TAFA4: variants seen among roughly 807,000 people sequenced by gnomAD.
TAFA4 encodes TAFA chemokine like family member 4, also known as chemokine-like protein TAFA-4.
Under a neutral mutation model 21.1 loss-of-function variants are expected in TAFA4, and 20 were observed. The ratio of observed to expected loss-of-function variants is 0.95; its 90% confidence interval spans 0.67 to 1.38. The LOEUF is 1.38. Among genes scored for constraint, TAFA4 ranks in the 40% most tolerant of loss-of-function variants. The pLI is 0.00. For synonymous variants in TAFA4, 71 were observed against 67.4 expected (o/e 1.05, Z -0.26); for missense variants, 211 against 180.9 (o/e 1.17, Z -0.95).
chr3:68,845,209 A>G (rs1704757218), intron 3 of TAFA4, among the ~76,000 whole-genome samples: 3 of 152,098 alleles, frequency 2.0e-5, no homozygotes, highest in Admixed American at 6.5e-5. Context: ...GTGGGTTCAT[A>G]TATATTTAGG....
intron 4 of TAFA4, among the ~76,000 whole-genome samples, chr3:68,745,552 G>T (rs143504757): frequency 6.6e-6 from 1 of 152,136 alleles, no homozygotes; most frequent in African/African-American, 2.4e-5. Context: ...AGACAGTGAC[G>T]CCCTCCCTGG....
At chr3:68,841,093 G>A (rs1704651711) in intron 3 of TAFA4, among the ~76,000 whole-genome samples, 1 of 134,188 alleles carries the variant, frequency 7.5e-6, no homozygotes, top group African/African-American at 2.6e-5. Flanking sequence ...GGAGGCCGAG[G>A]CGGGCGGATC....
At chr3:68,921,676 C>T in intron 1 of TAFA4, among the ~76,000 whole-genome samples, 1 of 152,210 alleles carries the variant, frequency 6.6e-6, no homozygotes, top group East Asian at 1.9e-4. Context: ...CAGCTTTTAA[C>T]ATCTGCCGAG....
At chr3:68,904,299 T>C (rs964806235) in intron 1 of TAFA4, among the ~76,000 whole-genome samples, 1 of 152,148 alleles carries the variant, frequency 6.6e-6, no homozygotes, top group Non-Finnish European at 1.5e-5. Flanking sequence ...GCAAGCTTGA[T>C]TCCATGATTG....
chr3:68,907,091 G>A (rs1024019995), intron 1 of TAFA4, among the ~76,000 whole-genome samples: 3 of 146,874 alleles, frequency 2.0e-5, no homozygotes, highest in African/African-American at 7.5e-5. Context: ...ACTCATTGCT[G>A]TCTAAAAACC....
At chr3:68,886,079 TAATA>T (rs143046019) in intron 1 of TAFA4, among the ~76,000 whole-genome samples, 26 of 152,342 alleles carry the variant, frequency 1.7e-4, no homozygotes, top group African/African-American at 6.3e-4. Flanking sequence ...TGATATGTGT[TAATA>T]AATATTCAAG....
intron 5 of TAFA4, among the ~76,000 whole-genome samples, chr3:68,735,294 G>C (rs114037444): frequency 4.6e-5 from 7 of 152,262 alleles, no homozygotes; most frequent in Non-Finnish European, 7.4e-5. Context: ...TCTGTATTTT[G>C]CATCAGTTTC....
chr3:68,926,760 G>A (rs897714607), intron 1 of TAFA4, among the ~76,000 whole-genome samples: 1 of 151,754 alleles, frequency 6.6e-6, no homozygotes, highest in South Asian at 2.1e-4. Context: ...AAAATACAAA[G>A]ATTAGCCAGG....
rs1293659540 is a variant in TAFA4, at chr3:68,783,750, A to AAAGAAAGAAAGAAAGT, written c.131-30733_131-30732insACTTTCTTTCTTTCTT. Reference sequence around the variant, plus strand: ...GAAAGAAAGAAAGAAAGAAAGTAAGAAAGAAAGAAACAAAAACAAAGAAAC... The same window carrying AAAGAAAGAAAGAAAGT: ...GAAAGAAAGAAAGAAAGAAAGTAAGAAAGAAAGAAAGAAAGTAAGAAAGAAACAAAAACAAAGAAAC... On this transcript the variant is annotated intron_variant, in intron 3 of 5. Coordinates refer to ENST00000295569, the MANE Select transcript of TAFA4 (RefSeq NM_182522.5). Among the ~76,000 whole-genome samples, 638 of 145,882 alleles carry AAAGAAAGAAAGAAAGT rather than the reference A, an allele frequency of 4.4e-3. 13 individuals carry two copies. The highest frequency in any genetic ancestry group is 0.021 in the East Asian group (96 of 4,622).
intron 3 of TAFA4, among the ~76,000 whole-genome samples, chr3:68,756,173 G>T (rs970516063): frequency 2.0e-5 from 3 of 152,176 alleles, no homozygotes; most frequent in African/African-American, 2.4e-5. Flanking sequence ...AAGATTTGGG[G>T]TAATTTGTTA....
chr3:68,763,457 C>T (rs1281788944), intron 3 of TAFA4, among the ~76,000 whole-genome samples: 1 of 152,004 alleles, frequency 6.6e-6, no homozygotes, highest in African/African-American at 2.4e-5. Context: ...TTATCATCTG[C>T]TTGGAACACT....
chr3:68,853,340 A>G (rs1340481489), intron 3 of TAFA4, among the ~76,000 whole-genome samples: 1 of 152,134 alleles, frequency 6.6e-6, no homozygotes. Flanking sequence ...CGTAATATCT[A>G]TCTTCCTTCC....
chr3:68,781,109 GAACAT>G (rs1703145528), intron 3 of TAFA4, among the ~76,000 whole-genome samples: 1 of 151,810 alleles, frequency 6.6e-6, no homozygotes, highest in African/African-American at 2.4e-5. Context: ...AATAAAAATA[GAACAT>G]ATCAAAATGT....
intron 4 of TAFA4, among the ~76,000 whole-genome samples, chr3:68,746,441 G>C (rs1702459490): frequency 6.6e-6 from 1 of 152,120 alleles, no homozygotes; most frequent in African/African-American, 2.4e-5. Flanking sequence ...ACTATGAACA[G>C]AAAAATTAAG....
At chr3:68,849,265 A>T (rs79711678) in intron 3 of TAFA4, among the ~76,000 whole-genome samples, 1 of 152,204 alleles carries the variant, frequency 6.6e-6, no homozygotes, top group Non-Finnish European at 1.5e-5. Flanking sequence ...TCTCTGATGA[A>T]GACATGAGGT....
Position 68,927,404 on chromosome 3 carries a change from T to TA in TAFA4, c.-123+4835dup, listed in dbSNP as rs796972981. Among the ~76,000 whole-genome samples the TA allele has an allele frequency of 5.0e-3, 761 of 152,014 alleles. 12 individuals carry two copies. The highest frequency in any genetic ancestry group is 0.018 in the African/African-American group (740 of 41,474). On this transcript the variant is annotated intron_variant, in intron 1 of 5. Coordinates refer to ENST00000295569, the MANE Select transcript of TAFA4 (RefSeq NM_182522.5). ...GAATCCAAACAGACACAGTGGTCATTAAAAAAAATGAATAAATAATAACTC... is the reference window on the plus strand; with the variant it reads ...GAATCCAAACAGACACAGTGGTCATTAAAAAAAAATGAATAAATAATAACTC...
At chr3:68,844,005 T>G (rs1704728903) in intron 3 of TAFA4, among the ~76,000 whole-genome samples, 1 of 152,188 alleles carries the variant, frequency 6.6e-6, no homozygotes, top group Admixed American at 6.5e-5. Flanking sequence ...CTGCCAGGTT[T>G]TGGTATCAGG....
At chr3:68,771,992 A>C (rs1702966410) in intron 3 of TAFA4, among the ~76,000 whole-genome samples, 1 of 152,242 alleles carries the variant, frequency 6.6e-6, no homozygotes, top group Admixed American at 6.5e-5. Flanking sequence ...CCAAATGAGG[A>C]ATGGGCAAAA....
intron 3 of TAFA4, among the ~76,000 whole-genome samples, chr3:68,863,171 A>T (rs1297310472): frequency 6.6e-6 from 1 of 152,054 alleles, no homozygotes; most frequent in Admixed American, 6.6e-5. Context: ...GAGCCCGGGA[A>T]GGTGGGGGTT....
Sources: gnomAD v4.1 joint callset for allele counts (sites outside exome capture counted in the v4.1 genomes callset) on GRCh38, gnomAD v4.1.1 for gene constraint, MANE v1.5 for transcripts, NCBI Gene and HGNC (gene_info 2026-07-23, HGNC 2026-07-21) for gene names.